COL25A1: variants seen among roughly 807,000 people sequenced by gnomAD.
The protein encoded by COL25A1 is collagen alpha-1(XXV) chain.
In COL25A1, 103 loss-of-function variants were observed where a neutral mutation model predicts 128.4. The observed-to-expected ratio is 0.80, with a 90% CI of 0.68 to 0.94. The LOEUF (loss-of-function observed/expected upper bound fraction) is 0.94, where lower values mean the gene tolerates loss of function less well. COL25A1 is among the 40% of genes least tolerant of loss of function. The pLI is 0.00. For missense variants in COL25A1, 745 were observed against 840.0 expected (o/e 0.89, Z 1.40); for synonymous variants, 279 against 277.2 (o/e 1.01, Z -0.06).
chr4:108,835,895 G>A (rs1222315721), intron 31 of COL25A1, among the ~76,000 whole-genome samples: 1 of 76,986 alleles, frequency 1.3e-5, no homozygotes. Context: ...TTTTTGAGAC[G>A]GACTCTCGCT....
At chr4:109,149,053 A>G (rs1384924584) in intron 3 of COL25A1, among the ~76,000 whole-genome samples, 1 of 152,232 alleles carries the variant, frequency 6.6e-6, no homozygotes, top group African/African-American at 2.4e-5. Flanking sequence ...CAATTGTATT[A>G]TCATACATGT....
At chr4:108,922,477 C>T (rs1745594727) in intron 11 of COL25A1, among the ~76,000 whole-genome samples, 1 of 152,034 alleles carries the variant, frequency 6.6e-6, no homozygotes, top group Non-Finnish European at 1.5e-5. Context: ...AAATGTTGCT[C>T]ACTAAAATTG....
chr4:108,938,422 T>A (rs1486151993), intron 10 of COL25A1, among the ~76,000 whole-genome samples: 1 of 152,174 alleles, frequency 6.6e-6, no homozygotes, highest in Non-Finnish European at 1.5e-5. Context: ...ATTTTTATAG[T>A]CTTCTTCTAG....
At chr4:108,850,891 G>A (rs904257124) in intron 26 of COL25A1, among the ~76,000 whole-genome samples, 1 of 152,082 alleles carries the variant, frequency 6.6e-6, no homozygotes, top group Non-Finnish European at 1.5e-5. Context: ...GCCTCTTTGG[G>A]TCAAAGAATG....
intron 31 of COL25A1, among the ~76,000 whole-genome samples, chr4:108,839,371 T>A (rs1442113307): frequency 1.3e-5 from 2 of 152,194 alleles, no homozygotes; most frequent in African/African-American, 2.4e-5. Context: ...TAAAAAGTTT[T>A]CAGGATTTTG....
chr4:109,028,885 A>G (rs1425117319), intron 5 of COL25A1, among the ~76,000 whole-genome samples: 1 of 152,202 alleles, frequency 6.6e-6, no homozygotes, highest in Non-Finnish European at 1.5e-5. Context: ...ACTGTGTTGA[A>G]TGTGGTCCAG....
At chr4:109,056,582 T>C (rs193053372) in intron 3 of COL25A1, among the ~76,000 whole-genome samples, 77 of 152,046 alleles carry the variant, frequency 5.1e-4, no homozygotes, top group South Asian at 2.9e-3. Flanking sequence ...ATGCAGAAAC[T>C]ATGTTCACTG....
intron 13 of COL25A1, among the ~76,000 whole-genome samples, chr4:108,915,362 TCTCC>T (rs1744747414): frequency 6.6e-6 from 1 of 152,142 alleles, no homozygotes; most frequent in Admixed American, 6.5e-5. Flanking sequence ...TTTCTCTCTC[TCTCC>T]CTTTCTTTTT....
At chr4:109,150,375 C>T (rs1771383817) in intron 3 of COL25A1, among the ~76,000 whole-genome samples, 1 of 152,050 alleles carries the variant, frequency 6.6e-6, no homozygotes, top group Admixed American at 6.6e-5. Flanking sequence ...AAGGGTACTT[C>T]TGAGATGAGT....
intron 8 of COL25A1, among the ~76,000 whole-genome samples, chr4:108,967,868 G>A (rs1476421488): frequency 6.6e-6 from 1 of 152,082 alleles, no homozygotes; most frequent in Non-Finnish European, 1.5e-5. Context: ...TTAAATACAA[G>A]GTAAAGTCAT....
intron 3 of COL25A1, among the ~76,000 whole-genome samples, chr4:109,257,261 T>A (rs190386216): frequency 6.4e-4 from 98 of 152,336 alleles, no homozygotes; most frequent in African/African-American, 2.3e-3. Context: ...ATTTTCACCC[T>A]CAATCTGAAA....
chr4:108,956,980 T>C (rs1037167463), intron 8 of COL25A1, among the ~76,000 whole-genome samples: 1 of 152,124 alleles, frequency 6.6e-6, no homozygotes, highest in Non-Finnish European at 1.5e-5. Context: ...GAGGAGCTAA[T>C]AGTAACAGTA....
At chr4:109,192,654 C>T (rs1191336608) in intron 3 of COL25A1, among the ~76,000 whole-genome samples, 2 of 152,026 alleles carry the variant, frequency 1.3e-5, no homozygotes, top group Admixed American at 6.6e-5. Flanking sequence ...GAGATCGAGA[C>T]CATCCTGGCT....
rs796114946 is a variant in COL25A1, at chr4:108,852,987, T to C, written c.1321-62A>G. ...TATTTTGTGTGCCAAAGTACAGTAATACATTTGTGAAATAATCAACTTTTT... is the reference window on the plus strand; with the variant it reads ...TATTTTGTGTGCCAAAGTACAGTAACACATTTGTGAAATAATCAACTTTTT... On this transcript the variant is annotated intron_variant, in intron 24 of 37. Coordinates refer to ENST00000399132, the MANE Select transcript of COL25A1 (RefSeq NM_198721.4). 6.3e-6 allele frequency: 9 copies of C among 1,434,588 alleles called. 1 individual carries two copies. The highest frequency in any genetic ancestry group is 4.2e-5 in the African/African-American group (3 of 70,616). The allele number at this position is 1,434,588 out of a possible 1,614,324, so 88.9% of individuals were successfully genotyped here. A position where few individuals can be genotyped will look rare whatever the true frequency, so the allele number is the denominator to read the frequency against.
chr4:109,148,113 T>C (rs1771130465), intron 3 of COL25A1, among the ~76,000 whole-genome samples: 1 of 152,140 alleles, frequency 6.6e-6, no homozygotes, highest in Non-Finnish European at 1.5e-5. Flanking sequence ...CCAATAAGTA[T>C]AAAGAACTTG....
At chr4:109,258,192 T>G (rs938971097) in intron 3 of COL25A1, among the ~76,000 whole-genome samples, 2 of 152,358 alleles carry the variant, frequency 1.3e-5, no homozygotes, top group Non-Finnish European at 2.9e-5. Flanking sequence ...CTACACTTCA[T>G]ATTTTCCAGC....
chr4:108,834,324 C>G (rs972117636), intron 31 of COL25A1: 32 of 1,549,432 alleles, frequency 2.1e-5, no homozygotes, highest in Non-Finnish European at 2.5e-5. Flanking sequence ...AGCCACAAAA[C>G]ATGTCAGAGC....
intron 10 of COL25A1, among the ~76,000 whole-genome samples, chr4:108,938,590 A>C (rs1191787434): frequency 1.3e-5 from 2 of 152,286 alleles, no homozygotes; most frequent in African/African-American, 4.8e-5. Flanking sequence ...ACCTCATTGC[A>C]CACAAAAAAA....
chr4:109,084,594 T>C (rs1170652939), intron 3 of COL25A1, among the ~76,000 whole-genome samples: 1 of 152,230 alleles, frequency 6.6e-6, no homozygotes, highest in African/African-American at 2.4e-5. Context: ...TATATTACAT[T>C]GAATTCCCTG....
Sources: gnomAD v4.1 joint callset for allele counts (sites outside exome capture counted in the v4.1 genomes callset) on GRCh38, gnomAD v4.1.1 for gene constraint, MANE v1.5 for transcripts, NCBI Gene and HGNC (gene_info 2026-07-23, HGNC 2026-07-21) for gene names.